The following SACS variants were observed in gnomAD, a reference collection of about 807,000 sequenced individuals.
SACS encodes sacsin.
A neutral mutation model predicts 348.0 loss-of-function variants in SACS; 197 were observed. The observed-to-expected ratio is 0.57, with a 90% confidence interval of 0.50 to 0.64. SACS has a LOEUF of 0.64. SACS is among the 30% of genes least tolerant of loss of function. The probability of loss-of-function intolerance (pLI) is 0.00; values close to 1 mark genes in which losing one functional copy is unlikely to be tolerated. For synonymous variants in SACS, 1,985 were observed against 1,910.6 expected (o/e 1.04, Z -1.02); for missense variants, 4,999 against 5,360.8 (o/e 0.93, Z 2.11).
At chr13:23,429,302 T>C (rs1256463566) in intron 1 of SACS, among the ~76,000 whole-genome samples, 2 of 144,782 alleles carry the variant, frequency 1.4e-5, no homozygotes, top group Admixed American at 7.0e-5. Context: ...TGTACAACCA[T>C]GGCAGAGGCT....
chr13:23,398,264 G>A (rs557839790), intron 2 of SACS, among the ~76,000 whole-genome samples: 1 of 151,520 alleles, frequency 6.6e-6, no homozygotes, highest in South Asian at 2.1e-4. Flanking sequence ...TGGGTGTGGT[G>A]GCTCATGCCT....
Position 23,336,499 on chromosome 13 carries a change from CATAAG to C in SACS, c.7372_7376del (p.Leu2458AlafsTer5). On this transcript the variant is annotated frameshift_variant, in exon 10 of 10. Transcript: ENST00000382292. LOFTEE classifies it high-confidence loss of function. ...AGCATAACGATTTAGCAGGGAGAAGCATAAGATTAGTATCTGGCAATAATATCTTG... is the reference window on the plus strand; with the variant it reads ...AGCATAACGATTTAGCAGGGAGAAGCATTAGTATCTGGCAATAATATCTTG... The C allele has an allele frequency of 1.2e-6, 2 of 1,614,026 alleles. No homozygotes were observed. The highest frequency in any genetic ancestry group is 1.7e-6 in the Non-Finnish European group (2 of 1,179,928).
chr13:23,399,037 AC>A (rs1267992511), intron 2 of SACS, among the ~76,000 whole-genome samples: 1 of 149,750 alleles, frequency 6.7e-6, no homozygotes, highest in Non-Finnish European at 1.5e-5. Context: ...AAAAAAAAAA[AC>A]ATGGATGCCT....
Position 23,375,248 on chromosome 13 carries a change from G to A in SACS, c.42C>T (p.Leu14=), listed in dbSNP as rs2137841455. 4 of 1,479,872 alleles carry A rather than the reference G, an allele frequency of 2.7e-6. No individual in the cohort carries two copies. Among genetic ancestry groups the A allele is most frequent in the South Asian group, 1.3e-5 (1 of 76,308 alleles). The allele number at this position is 1,479,872 out of a possible 1,614,324, so 91.7% of individuals were successfully genotyped here. The change falls in exon 3 of 10, where the codon CTC becomes CTT. Residue 14 remains leucine, a synonymous_variant. Coordinates refer to ENST00000382292, the MANE Select transcript of SACS (RefSeq NM_014363.6). ...KENRWVPVTV[L]PGCVGCRTVA... is the part of the protein sequence containing the mutation. ...CGGTCCTGCAGCCCACGCAGCCGGG[G>A]AGCACGGTCACCGGGACCCACCTGT...
chr13:23,342,387 A>C (rs917465425), intron 9 of SACS, among the ~76,000 whole-genome samples: 1 of 152,240 alleles, frequency 6.6e-6, no homozygotes, highest in African/African-American at 2.4e-5. Flanking sequence ...TAAAATTTAT[A>C]TAAGAATCTT....
At chr13:23,402,800 G>A (rs950226633) in intron 2 of SACS, among the ~76,000 whole-genome samples, 2 of 152,166 alleles carry the variant, frequency 1.3e-5, no homozygotes, top group Non-Finnish European at 2.9e-5. Flanking sequence ...CAGAAAAGAG[G>A]AATTCACCCA....
chr13:23,339,345 C>G lies in SACS; in HGVS notation c.4531G>C (p.Asp1511His). The G allele has an allele frequency of 6.2e-7, 1 of 1,613,348 alleles. No individual in the cohort carries two copies. The highest frequency in any genetic ancestry group is 8.5e-7 in the Non-Finnish European group (1 of 1,179,746). The part of the protein sequence containing the change: ...RNMDIRENLL[D>H]PGMAACHGPA... ...CCATGACAAGCTGCCATCCCTGGGTCTAGGAGATTCTCTCTTATGTCCATA... is the reference window on the plus strand; with the variant it reads ...CCATGACAAGCTGCCATCCCTGGGTGTAGGAGATTCTCTCTTATGTCCATA... The change falls in exon 10 of 10, where the codon GAC (aspartate) becomes CAC (histidine). Residue 1511 changes from aspartate (D) to histidine (H), a missense_variant. This residue lies in a region of SACS where 3,156 missense variants were observed against 3,380.1 expected (regional missense o/e 0.93). Coordinates refer to ENST00000382292, the MANE Select transcript of SACS (RefSeq NM_014363.6).
chr13:23,331,133 G>A lies in SACS; in HGVS notation c.12743C>T (p.Pro4248Leu), dbSNP rs1883447683. Reference sequence around the variant, plus strand: ...GTCCCTGCTTTGAGAGCTTTCCTCAGGTCTTGAAAACTTATACAGATCAAG... The same window carrying A: ...GTCCCTGCTTTGAGAGCTTTCCTCAAGTCTTGAAAACTTATACAGATCAAG... ...SSLDLYKFSR[P>L]EESSQSRDSA... is the part of the protein sequence containing the mutation. Residue 4248 changes from proline (P) to leucine (L), a missense_variant, in exon 10 of 10, where the codon CCT (proline) becomes CTT (leucine). Pro to Leu is a moderately conservative substitution (Grantham distance 98). Around this residue, in one of 6 missense-constraint regions of SACS, gnomAD observed 831 missense variants for 941.8 expected, o/e 0.88. Transcript: ENST00000382292. 1.9e-6 allele frequency: 3 copies of A among 1,613,972 alleles called. No homozygotes were observed. The South Asian group carries it at 3.3e-5, about 18-fold the overall frequency.
chr13:23,379,517 G>A (rs1871956065), intron 2 of SACS, among the ~76,000 whole-genome samples: 1 of 152,152 alleles, frequency 6.6e-6, no homozygotes, highest in African/African-American at 2.4e-5. Context: ...AATACAGGGA[G>A]CAGGCAAAGG....
intron 1 of SACS, among the ~76,000 whole-genome samples, chr13:23,426,214 A>C (rs1013773816): frequency 1.3e-5 from 2 of 152,098 alleles, no homozygotes; most frequent in African/African-American, 2.4e-5. Flanking sequence ...TTAATTTATA[A>C]AGTTTATTTT....
Position 23,335,369 on chromosome 13 carries a change from A to C in SACS, c.8507T>G (p.Val2836Gly). 1 of 1,613,914 alleles carries C rather than the reference A, an allele frequency of 6.2e-7. No homozygotes were observed. The highest frequency in any genetic ancestry group is 8.5e-7 in the Non-Finnish European group (1 of 1,179,880). The part of the protein sequence containing the change: ...FSSMEKVSKS[V>G]ISAHKNQDIT... ...ATCTTGGTTCTTGTGAGCTGATATG[A>C]CACTTTTAGATACTTTCTCCATACT... The change falls in exon 10 of 10, where the codon GTC (valine) becomes GGC (glycine). Residue 2836 changes from valine (V) to glycine (G), a missense_variant. Val to Gly is a moderately radical substitution (Grantham distance 109). Coordinates refer to ENST00000382292, the MANE Select transcript of SACS (RefSeq NM_014363.6). This position sits in a 1 kb window ranked among gnomAD's most constrained non-coding sequence, Gnocchi z 4.7.
Position 23,336,290 on chromosome 13 carries a change from G to C in SACS, c.7586C>G (p.Thr2529Ser), listed in dbSNP as rs1320224325. ...GTEFGQKEKL[T>S]SRIKSILNAY... ...ATTAAGGATGCTCTTAATTCTGCTG[G>C]TCAATTTTTCTTTCTGCCCAAATTC... Residue 2529 changes from threonine to serine, a missense_variant, in exon 10 of 10, where the codon ACC becomes AGC. Transcript: ENST00000382292. 3 of 1,614,040 alleles carry C rather than the reference G, an allele frequency of 1.9e-6. No homozygotes were observed. The South Asian group carries it at 3.3e-5, about 18-fold the overall frequency.
chr13:23,343,648 C>T (rs1566073752), intron 9 of SACS, among the ~76,000 whole-genome samples: 2 of 152,148 alleles, frequency 1.3e-5, no homozygotes, highest in Non-Finnish European at 2.9e-5. Flanking sequence ...TGCGCCACTG[C>T]ACTCCAGCCT....
intron 2 of SACS, among the ~76,000 whole-genome samples, chr13:23,402,131 T>C (rs1417312607): frequency 1.3e-5 from 2 of 151,448 alleles, no homozygotes; most frequent in East Asian, 3.9e-4. Flanking sequence ...TGAGCTGAGA[T>C]TGCGCCACTG....
chr13:23,391,245 G>C (rs548527530), intron 2 of SACS, among the ~76,000 whole-genome samples: 1 of 152,192 alleles, frequency 6.6e-6, no homozygotes, highest in Non-Finnish European at 1.5e-5. Context: ...CAAGAGGCAC[G>C]GAAGTCAGGC....
At chr13:23,366,218 A>G (rs1438545745) in intron 5 of SACS, among the ~76,000 whole-genome samples, 3 of 152,242 alleles carry the variant, frequency 2.0e-5, no homozygotes, top group African/African-American at 7.2e-5. Flanking sequence ...ACATCAGAGT[A>G]GAGAGGTGGT....
intron 1 of SACS, among the ~76,000 whole-genome samples, chr13:23,417,940 G>A (rs961986176): frequency 2.6e-5 from 4 of 151,608 alleles, no homozygotes; most frequent in African/African-American, 9.7e-5. Flanking sequence ...ATGGTGGCAC[G>A]CACTTGTAGT....
rs558702884 is a variant in SACS, at chr13:23,370,101, G to A, written c.259+977C>T. On this transcript the variant is annotated intron_variant, in intron 4 of 9. Coordinates refer to ENST00000382292, the MANE Select transcript of SACS (RefSeq NM_014363.6). Reference sequence around the variant, plus strand: ...TCTTGATCTCCTGACCTCGTGATTCGCCTGCCTTGGCCTCCCAAAGTGCTG... The same window carrying A: ...TCTTGATCTCCTGACCTCGTGATTCACCTGCCTTGGCCTCCCAAAGTGCTG... 4.1e-4 allele frequency among the ~76,000 whole-genome samples: 63 copies of A among 152,100 alleles called. 1 individual carries two copies. Among genetic ancestry groups the A allele is most frequent in the South Asian group, 1.5e-3 (7 of 4,816 alleles).
rs371866995 is a variant in SACS, at chr13:23,341,694, T to C, written c.2186-4A>G. ...TGCAGCTGAGTACATGGTCTTCCTG[T>C]AAATCATACACAGAAATGTCATAAA... is the stretch of plus-strand genomic sequence containing the variant. On this transcript the variant is annotated splice_polypyrimidine_tract_variant and splice_region_variant and intron_variant, in intron 9 of 9. Transcript: ENST00000382292. 130 of 1,610,842 alleles carry C rather than the reference T, an allele frequency of 8.1e-5. No individual in the cohort carries two copies. In the African/African-American group the frequency reaches 1.6e-3, roughly 20 times the overall value.
Sources: gnomAD v4.1 joint callset for allele counts (sites outside exome capture counted in the v4.1 genomes callset) on GRCh38, gnomAD v4.1.1 for gene constraint, gnomAD v4.1.1 regional missense constraint, Gnocchi (gnomAD v3.1) non-coding constraint, MANE v1.5 for transcripts, NCBI Gene and HGNC (gene_info 2026-07-23, HGNC 2026-07-21) for gene names.